ZNF804B: variants seen among roughly 807,000 people sequenced by gnomAD.
ZNF804B encodes zinc finger protein 804B.
ZNF804B carries 80 observed loss-of-function variants against 101.4 expected under a neutral mutation model. The observed-to-expected ratio is 0.79, with a 90% CI of 0.66 to 0.95. ZNF804B has a LOEUF of 0.95. ZNF804B is among the 40% of genes least tolerant of loss of function. The pLI, the probability that ZNF804B is intolerant of heterozygous loss-of-function variation, is 0.00. For missense variants in ZNF804B, 1,673 were observed against 1,561.9 expected (o/e 1.07, Z -1.20); for synonymous variants, 622 against 558.8 (o/e 1.11, Z -1.59).
At chr7:88,783,813 G>A (rs1790262724) in intron 1 of ZNF804B, among the ~76,000 whole-genome samples, 1 of 152,088 alleles carries the variant, frequency 6.6e-6, no homozygotes, top group African/African-American at 2.4e-5. Context: ...TAGGAAATGG[G>A]AACAGAGAAG....
Position 89,333,385 on chromosome 7 carries a change from T to C in ZNF804B, c.403T>C (p.Tyr135His). ...CAGTGTTTCTGGAAATGGACCAGCATACAAAGCCCCCAGGGTAGCCATAGA... is the reference window on the plus strand; with the variant it reads ...CAGTGTTTCTGGAAATGGACCAGCACACAAAGCCCCCAGGGTAGCCATAGA... The part of the protein sequence containing the change: ...SECVSGNGPA[Y>H]KAPRVAIEKQ... Residue 135 changes from tyrosine to histidine, a missense_variant, in exon 4 of 4, where the codon TAC (tyrosine) becomes CAC (histidine). Transcript: ENST00000333190. 6.2e-7 allele frequency: 1 copy of C among 1,605,640 alleles called. No individual in the cohort carries two copies. Among genetic ancestry groups the C allele is most frequent in the South Asian group, 1.1e-5 (1 of 90,210 alleles).
chr7:89,071,940 G>A (rs1443400049), intron 1 of ZNF804B, among the ~76,000 whole-genome samples: 1 of 152,062 alleles, frequency 6.6e-6, no homozygotes, highest in African/African-American at 2.4e-5. Context: ...ATTTTTCAGG[G>A]TGATGACCTA....
intron 1 of ZNF804B, among the ~76,000 whole-genome samples, chr7:89,206,809 C>T (rs1040904282): frequency 2.0e-5 from 3 of 152,118 alleles, no homozygotes; most frequent in Non-Finnish European, 4.4e-5. Flanking sequence ...TAACAGCACC[C>T]AAGTCAGCTT....
At chr7:89,264,365 A>G (rs1339074380) in intron 2 of ZNF804B, among the ~76,000 whole-genome samples, 1 of 152,182 alleles carries the variant, frequency 6.6e-6, no homozygotes, top group Non-Finnish European at 1.5e-5. Context: ...TCCTGTCTGT[A>G]TCACATATCT....
intron 1 of ZNF804B, among the ~76,000 whole-genome samples, chr7:89,176,236 A>T (rs1791316418): frequency 6.6e-6 from 1 of 151,992 alleles, no homozygotes; most frequent in African/African-American, 2.4e-5. Context: ...TGTCATATAC[A>T]GCTTTTATTG....
At chr7:88,817,112 C>T (rs1395938096) in intron 1 of ZNF804B, among the ~76,000 whole-genome samples, 1 of 152,110 alleles carries the variant, frequency 6.6e-6, no homozygotes, top group African/African-American at 2.4e-5. Flanking sequence ...AACCATCATT[C>T]TCAGCAAACT....
chr7:89,224,572 C>G (rs577873838), intron 2 of ZNF804B, among the ~76,000 whole-genome samples: 1 of 152,004 alleles, frequency 6.6e-6, no homozygotes, highest in East Asian at 1.9e-4. Flanking sequence ...AACAAAATGT[C>G]AAAGTGTAGA....
At chr7:88,959,871 G>A (rs766401945) in intron 1 of ZNF804B, among the ~76,000 whole-genome samples, 1 of 151,340 alleles carries the variant, frequency 6.6e-6, no homozygotes, top group East Asian at 2.0e-4. Context: ...TACAGGTCAT[G>A]CTCCTTCTAT....
At chr7:89,091,219 TA>T (rs753211608) in intron 1 of ZNF804B, among the ~76,000 whole-genome samples, 216 of 148,326 alleles carry the variant, frequency 1.5e-3, no homozygotes, top group Non-Finnish European at 2.2e-3. Flanking sequence ...TAATGCCAGC[TA>T]GGAAAAAAAA....
chr7:89,150,063 C>G (rs1320165573), intron 1 of ZNF804B, among the ~76,000 whole-genome samples: 3 of 151,948 alleles, frequency 2.0e-5, no homozygotes. Flanking sequence ...ATAAACAATT[C>G]ATGTTTTAAA....
chr7:88,933,303 A>G (rs2079277), intron 1 of ZNF804B, among the ~76,000 whole-genome samples: 41,604 of 151,764 alleles, frequency 0.27, 6,902 homozygotes, highest in East Asian at 0.52. Context: ...TCTCAAAGTA[A>G]TAAAAGACAT....
Position 89,335,908 on chromosome 7 carries a change from G to A in ZNF804B, c.2926G>A (p.Ala976Thr), listed in dbSNP as rs1366002706. 6.2e-7 allele frequency: 1 copy of A among 1,614,110 alleles called. No individual in the cohort carries two copies. Reference protein sequence around the residue: ...QLAPSGCNRQALPLSEKIQYA... With the variant: ...QLAPSGCNRQTLPLSEKIQYA... ...TGCACCATCAGGCTGTAACAGACAAGCATTGCCTTTGTCTGAAAAAATACA... is the reference window on the plus strand; with the variant it reads ...TGCACCATCAGGCTGTAACAGACAAACATTGCCTTTGTCTGAAAAAATACA... The change falls in exon 4 of 4, where the codon GCA (alanine) becomes ACA (threonine). Residue 976 changes from alanine (A) to threonine (T), a missense_variant. Ala to Thr is a moderately conservative substitution (Grantham distance 58). Coordinates refer to ENST00000333190, the MANE Select transcript of ZNF804B (RefSeq NM_181646.5).
chr7:88,801,839 T>G (rs1171065163), intron 1 of ZNF804B, among the ~76,000 whole-genome samples: 3 of 152,112 alleles, frequency 2.0e-5, no homozygotes, highest in Admixed American at 6.6e-5. Context: ...TGAAGAATAT[T>G]TCAAGGGAGG....
chr7:89,061,915 T>C (rs1378893153), intron 1 of ZNF804B, among the ~76,000 whole-genome samples: 1 of 152,090 alleles, frequency 6.6e-6, no homozygotes, highest in Non-Finnish European at 1.5e-5. Flanking sequence ...CTGTATACTA[T>C]ATGTATACTC....
At chr7:89,193,024 A>G (rs941410080) in intron 1 of ZNF804B, among the ~76,000 whole-genome samples, 10 of 152,120 alleles carry the variant, frequency 6.6e-5, no homozygotes, top group African/African-American at 9.6e-5. Context: ...ATACATGGCA[A>G]ACCCACAGCC....
chr7:88,869,631 T>C (rs1791785021), intron 1 of ZNF804B, among the ~76,000 whole-genome samples: 1 of 152,232 alleles, frequency 6.6e-6, no homozygotes, highest in Non-Finnish European at 1.5e-5. Flanking sequence ...TTAAGTTCAA[T>C]TTCTGAGTTT....
chr7:88,773,607 A>G (rs1253170977), intron 1 of ZNF804B, among the ~76,000 whole-genome samples: 1 of 152,186 alleles, frequency 6.6e-6, no homozygotes, highest in Admixed American at 6.5e-5. Flanking sequence ...TCATTCTTGT[A>G]TTGCTATAAA....
chr7:89,016,188 G>GT (rs1263736591), intron 1 of ZNF804B, among the ~76,000 whole-genome samples: 1 of 151,958 alleles, frequency 6.6e-6, no homozygotes, highest in Non-Finnish European at 1.5e-5. Flanking sequence ...GGGGTTGTTT[G>GT]TTTTTTTCTT....
At chr7:89,328,159 T>G (rs1425360427) in intron 3 of ZNF804B, among the ~76,000 whole-genome samples, 1 of 151,928 alleles carries the variant, frequency 6.6e-6, no homozygotes, top group African/African-American at 2.4e-5. Context: ...CCTAGTGAAT[T>G]GTGAAACTTA....
Sources: gnomAD v4.1 joint callset for allele counts (sites outside exome capture counted in the v4.1 genomes callset) on GRCh38, gnomAD v4.1.1 for gene constraint, MANE v1.5 for transcripts, NCBI Gene and HGNC (gene_info 2026-07-23, HGNC 2026-07-21) for gene names.